The following ATR variants were observed in gnomAD, a reference collection of about 807,000 sequenced individuals.
The protein encoded by ATR is ATR checkpoint kinase.
Under a neutral mutation model 305.3 loss-of-function variants are expected in ATR, and 142 were observed. The observed-to-expected ratio is 0.47, with a 90% CI of 0.41 to 0.53. The LOEUF (loss-of-function observed/expected upper bound fraction) is 0.53, where lower values mean the gene tolerates loss of function less well. ATR is among the 20% of genes least tolerant of loss of function. The pLI, the probability that ATR is intolerant of heterozygous loss-of-function variation, is 0.00. For missense variants in ATR, 2,135 were observed against 3,133.1 expected (o/e 0.68, Z 7.60); for synonymous variants, 1,050 against 1,068.1 (o/e 0.98, Z 0.33).
At chr3:142,558,907 T>C (rs2034779004) in intron 7 of ATR, 131 bp from the exon 8 acceptor site, 2 of 953,940 alleles carry the variant, frequency 2.1e-6, no homozygotes, top group South Asian at 3.4e-5. Context: ...CACAGAGATC[T>C]ATAAACGATG....
At chr3:142,538,704 A>C in intron 18 of ATR, 79 bp from the exon 19 acceptor site, 1 of 1,537,048 alleles carries the variant, frequency 6.5e-7, no homozygotes, top group South Asian at 1.1e-5. Context: ...AATTAGTTGA[A>C]GACACATGAT....
At chr3:142,573,160 A>G (rs1216076153) in intron 1 of ATR, among the ~76,000 whole-genome samples, 1 of 152,152 alleles carries the variant, frequency 6.6e-6, no homozygotes, top group Non-Finnish European at 1.5e-5. Context: ...ACAAAGAATC[A>G]AAGGGCCAGG....
intron 46 of ATR, chr3:142,451,544 A>G: frequency 1.5e-6 from 2 of 1,359,430 alleles, no homozygotes; most frequent in South Asian, 1.3e-5. Context: ...CTATATCCAG[A>G]GTGGGCACTT....
intron 46 of ATR, chr3:142,451,538 A>C: frequency 7.3e-7 from 1 of 1,372,254 alleles, no homozygotes; most frequent in Non-Finnish European, 9.6e-7. Flanking sequence ...CAACACCTAT[A>C]TCCAGAGTGG....
rs112276666 is a variant in ATR, at chr3:142,566,041, C to T, written c.292+80G>A. The T allele has an allele frequency of 4.0e-3, 6,373 of 1,578,572 alleles. 18 individuals carry two copies. Among genetic ancestry groups the T allele is most frequent in the Non-Finnish European group, 4.6e-3 (5,270 of 1,148,424 alleles). ...TGACCCAAAAAAGTATAATCCTGTACATGTAATATTTCAGAAGAGCAGTAA... is the reference window on the plus strand; with the variant it reads ...TGACCCAAAAAAGTATAATCCTGTATATGTAATATTTCAGAAGAGCAGTAA... On this transcript the variant is annotated intron_variant, in intron 3 of 46. Coordinates refer to ENST00000350721, the MANE Select transcript of ATR (RefSeq NM_001184.4).
In ATR at chr3:142,496,328, A is replaced by ATG. The variant is rs775953178; in HGVS notation, c.5898+32_5898+33insCA. On this transcript the variant is annotated intron_variant, in intron 34 of 46. Transcript: ENST00000350721. ...TATATATATATATATATATATATAT[A>ATG]TATATATATGATGACATTTCCCTGG... 10 of 469,036 alleles carry ATG rather than the reference A, an allele frequency of 2.1e-5. 2 individuals are homozygous for ATG. The African/African-American group carries it at 2.5e-4, about 12-fold the overall frequency. 29.1% of individuals were successfully genotyped at this position (469,036 alleles called of 1,614,324 possible). A position where few individuals can be genotyped will look rare whatever the true frequency, so the allele number is the denominator to read the frequency against.
intron 1 of ATR, among the ~76,000 whole-genome samples, chr3:142,569,147 A>C (rs2035176884): frequency 6.6e-6 from 1 of 152,128 alleles, no homozygotes; most frequent in Non-Finnish European, 1.5e-5. Flanking sequence ...TGGACCAATT[A>C]GCATTCACTT....
At chr3:142,558,596 C>CCA in intron 8 of ATR, 28 bp downstream of exon 8, 2 of 1,585,248 alleles carry the variant, frequency 1.3e-6, no homozygotes, top group Non-Finnish European at 8.6e-7. Context: ...ATAAAACAAA[C>CCA]CACACACACA....
intron 40 of ATR, chr3:142,465,517 A>AC (rs938139992): frequency 4.5e-5 from 9 of 198,702 alleles, no homozygotes; most frequent in African/African-American, 1.9e-4. Flanking sequence ...AAATTTAGAC[A>AC]CCCCCCTTCA....
At chr3:142,536,862 C>T (rs1356775562) in intron 19 of ATR, among the ~76,000 whole-genome samples, 4 of 152,056 alleles carry the variant, frequency 2.6e-5, no homozygotes. Context: ...CAAAGACTAC[C>T]TCAATATACA....
chr3:142,540,425 C>G (rs1044399781), intron 18 of ATR, among the ~76,000 whole-genome samples: 1 of 152,068 alleles, frequency 6.6e-6, no homozygotes, highest in Admixed American at 6.6e-5. Context: ...GGAAAAATAC[C>G]TTTGAGACAA....
Position 142,461,998 on chromosome 3 carries a change from T to C in ATR, c.7134A>G (p.Glu2378=), listed in dbSNP as rs1412196251. The change falls in exon 42 of 47, where the codon GAA becomes GAG. Residue 2378 remains glutamate (E), a synonymous_variant. Coordinates refer to ENST00000350721, the MANE Select transcript of ATR (RefSeq NM_001184.4). Reference sequence around the variant, plus strand: ...TCAAACCAGCAGTGTTGTTCACCCATTCAATAATCCCACATTCATCATTTA... The same window carrying C: ...TCAAACCAGCAGTGTTGTTCACCCACTCAATAATCCCACATTCATCATTTA... ...IPLNDECGII[E]WVNNTAGLRP... The C allele has an allele frequency of 6.2e-7, 1 of 1,613,658 alleles. No individual in the cohort carries two copies. Among genetic ancestry groups the C allele is most frequent in the South Asian group, 1.1e-5 (1 of 91,064 alleles).
intron 36 of ATR, among the ~76,000 whole-genome samples, chr3:142,476,019 A>G (rs1248779444): frequency 1.3e-5 from 2 of 152,144 alleles, no homozygotes; most frequent in Non-Finnish European, 1.5e-5. Context: ...AGTAGATTGC[A>G]AAAATTTTCT....
In ATR at chr3:142,563,216, A is replaced by G. The variant is rs111379757; in HGVS notation, c.293-107T>C. ...TTTTAAAGAATAAACTTCACTAACA[A>G]GAGTGTAAAACATTCTCTTCACAAT... On this transcript the variant is annotated intron_variant, in intron 3 of 46. Coordinates refer to ENST00000350721, the MANE Select transcript of ATR (RefSeq NM_001184.4). 21,837 of 1,144,172 alleles carry G rather than the reference A, an allele frequency of 0.019. 289 individuals carry two copies. Among genetic ancestry groups the G allele is most frequent in the South Asian group, 0.04 (2,550 of 63,844 alleles). The allele number at this position is 1,144,172 out of a possible 1,614,324, so 70.9% of individuals were successfully genotyped here.
chr3:142,549,626 A>G lies in ATR; in HGVS notation c.3024T>C (p.Pro1008=). Residue 1008 remains proline (P), a synonymous_variant, in exon 15 of 47, where the codon CCT becomes CCC. Transcript: ENST00000350721. ...AAGTTCGAATGAGAGCAGAAGCTGC[A>G]GGGCTTGCTTTGGCAGCAAGATCAG... ...LLPDLAAKAS[P]AASALIRTLG... 1.2e-6 allele frequency: 2 copies of G among 1,613,750 alleles called. No homozygotes were observed. The highest frequency in any genetic ancestry group is 1.7e-6 in the Non-Finnish European group (2 of 1,179,802).
rs1183195325 is a variant in ATR, at chr3:142,469,478, T to C, written c.6411A>G (p.Gln2137=). Residue 2137 remains glutamine (Q), a synonymous_variant, in exon 38 of 47, where the codon CAA becomes CAG. Coordinates refer to ENST00000350721, the MANE Select transcript of ATR (RefSeq NM_001184.4). ...TEHTNYLAPY[Q]FLTAFSQLIS... ...TCAATTGTGAAAAAGCAGTCAAAAA[T>C]TGATATGGAGCTAAATAGTTTGTAT... The C allele has an allele frequency of 8.1e-6, 13 of 1,613,726 alleles. No homozygotes were observed. The highest frequency in any genetic ancestry group is 1.1e-5 in the South Asian group (1 of 91,088).
At chr3:142,456,860 T>C (rs2070920673) in intron 45 of ATR, among the ~76,000 whole-genome samples, 1 of 152,214 alleles carries the variant, frequency 6.6e-6, no homozygotes, top group African/African-American at 2.4e-5. Context: ...AGTGGGATTA[T>C]AAAGTGTTAC....
At chr3:142,499,104 C>G in intron 31 of ATR, 1 of 378,774 alleles carries the variant, frequency 2.6e-6, no homozygotes, top group Non-Finnish European at 5.0e-6. Context: ...TGGTCTAGAG[C>G]TCTTGGCTTC....
At chr3:142,530,142 C>T (rs982090553) in intron 21 of ATR, among the ~76,000 whole-genome samples, 6 of 151,692 alleles carry the variant, frequency 4.0e-5, no homozygotes, top group Non-Finnish European at 8.8e-5. Flanking sequence ...TCTCATTTTT[C>T]TTCTGTTTTT....
Sources: allele counts gnomAD v4.1 joint callset (sites outside exome capture counted in the v4.1 genomes callset), GRCh38; gene constraint gnomAD v4.1.1; transcripts MANE v1.5; gene names NCBI Gene and HGNC (gene_info 2026-07-23, HGNC 2026-07-21).